KCNJ14: variants seen among roughly 807,000 people sequenced by gnomAD.
KCNJ14 encodes the protein potassium inwardly rectifying channel subfamily J member 14, also known as ATP-sensitive inward rectifier potassium channel 14.
Under a neutral mutation model 24.5 loss-of-function variants are expected in KCNJ14, and 18 were observed. The observed-to-expected ratio is 0.74, with a 90% CI of 0.51 to 1.09. The LOEUF (loss-of-function observed/expected upper bound fraction) is 1.09. Ranked by LOEUF, KCNJ14 falls within the 50% of genes least tolerant of loss-of-function variation. KCNJ14 has a pLI of 0.00. For missense variants in KCNJ14, 633 were observed against 623.0 expected, an observed-to-expected ratio of 1.02 and a Z score of -0.17; for synonymous variants, 288 against 270.8, an observed-to-expected ratio of 1.06 and a Z score of -0.63.
chr19:48,457,419 C>A (rs942519352), intron 1 of KCNJ14, among the ~76,000 whole-genome samples: 4 of 152,216 alleles, frequency 2.6e-5, no homozygotes, highest in African/African-American at 9.6e-5. Context: ...GGTGGGTGAG[C>A]AACTAAGCCA....
At chr19:48,456,509 T>G (rs1971540831) in intron 1 of KCNJ14, 1 of 152,226 alleles carries the variant, frequency 6.6e-6, no homozygotes, top group Admixed American at 6.5e-5. Context: ...CCAGGCTGCC[T>G]GCGTGGTTGT....
In KCNJ14 at chr19:48,461,823, C is replaced by CA; in HGVS notation, c.101dup (p.Asn34LysfsTer213). On this transcript the variant is annotated frameshift_variant, in exon 2 of 3. Coordinates refer to ENST00000342291, the MANE Select transcript of KCNJ14 (RefSeq NM_013348.4). LOFTEE classifies it high-confidence loss of function. ...AGGAGGCCGGGCCCGGGTTGTGCCG[C>CA]AACGGGTGGGCGCCGGCACCGGTGC... 6.6e-7 allele frequency: 1 copy of CA among 1,506,784 alleles called. No homozygotes were observed. The allele number at this position is 1,506,784 out of a possible 1,614,324, so 93.3% of individuals were successfully genotyped here.
intron 1 of KCNJ14, 144 bp from the exon 2 acceptor site, chr19:48,461,526 T>TC (rs1971595151): frequency 6.9e-6 from 2 of 288,422 alleles, no homozygotes; most frequent in African/African-American, 6.7e-5. Context: ...AGACTCTGTC[T>TC]CCAAAAAAAA....
intron 2 of KCNJ14, among the ~76,000 whole-genome samples, chr19:48,463,842 C>G (rs1387258240): frequency 6.6e-6 from 1 of 151,972 alleles, no homozygotes; most frequent in Non-Finnish European, 1.5e-5. Context: ...CTCTCCTCTT[C>G]CCCCACCACG....
In KCNJ14 at chr19:48,464,953, A is replaced by G. The variant is rs1479140899; in HGVS notation, c.*176A>G. ...TGGTGACCCACCATGGACATACTGG[A>G]CCTTAATTCCTCTGCTTCTGTGCTC... is the stretch of plus-strand genomic sequence containing the variant. On this transcript the variant is annotated 3_prime_UTR_variant, in exon 3 of 3. Transcript: ENST00000342291. The G allele has an allele frequency of 3.3e-6, 2 of 601,972 alleles. No individual in the cohort carries two copies. The highest frequency in any genetic ancestry group is 2.9e-5 in the Admixed American group (1 of 34,222). The allele number at this position is 601,972 out of a possible 1,614,324, so 37.3% of individuals were successfully genotyped here. A position where few individuals can be genotyped will look rare whatever the true frequency, so the allele number is the denominator to read the frequency against.
Position 48,466,694 on chromosome 19 carries a change from AT to A in KCNJ14, c.*1919del, listed in dbSNP as rs1251366729. On this transcript the variant is annotated 3_prime_UTR_variant, in exon 3 of 3. Coordinates refer to ENST00000342291, the MANE Select transcript of KCNJ14 (RefSeq NM_013348.4). ...TCACTACACCAAGGGTGGGATGGGC[AT>A]TCGAGTCCTGGGGATTTCCCTCCTC... The A allele has an allele frequency of 2.6e-5, 4 of 152,302 alleles. No individual in the cohort carries two copies. The highest frequency in any genetic ancestry group is 9.6e-5 in the African/African-American group (4 of 41,566). The allele number at this position is 152,302 out of a possible 1,614,324, so 9.4% of individuals were successfully genotyped here. A position where few individuals can be genotyped will look rare whatever the true frequency, so the allele number is the denominator to read the frequency against.
chr19:48,462,512 G>C lies in KCNJ14; in HGVS notation c.714+74G>C. On this transcript the variant is annotated intron_variant, in intron 2 of 2. Coordinates refer to ENST00000342291, the MANE Select transcript of KCNJ14 (RefSeq NM_013348.4). The surrounding 1 kb of genome is among the most constrained non-coding windows in gnomAD (Gnocchi z 4.9). ...TGGGAGATGTAGGCCCGAGGGCGAG[G>C]GGCGTGCGGTCCTGGAGGGGGCGTG... 1 of 1,185,818 alleles carries C rather than the reference G, an allele frequency of 8.4e-7. No homozygotes were observed. The highest frequency in any genetic ancestry group is 1.1e-6 in the Non-Finnish European group (1 of 872,204). 73.5% of individuals were successfully genotyped at this position (1,185,818 alleles called of 1,614,324 possible). A position where few individuals can be genotyped will look rare whatever the true frequency, so the allele number is the denominator to read the frequency against.
At chr19:48,463,766 T>G (rs959975597) in intron 2 of KCNJ14, among the ~76,000 whole-genome samples, 1 of 152,252 alleles carries the variant, frequency 6.6e-6, no homozygotes, top group Non-Finnish European at 1.5e-5. Context: ...TATTTTCCGT[T>G]GTCGCTTTGA....
In KCNJ14 at chr19:48,466,978, C is replaced by T. The variant is rs966341755; in HGVS notation, c.*2201C>T. ...CCCCCAGATTAAAGAACTGGGAGCC[C>T]TAGCGGATGTGTCTGCGAATGTGTT... On this transcript the variant is annotated 3_prime_UTR_variant, in exon 3 of 3. Coordinates refer to ENST00000342291, the MANE Select transcript of KCNJ14 (RefSeq NM_013348.4). 3 of 152,178 alleles carry T rather than the reference C, an allele frequency of 2.0e-5. No individual in the cohort carries two copies. The highest frequency in any genetic ancestry group is 7.2e-5 in the African/African-American group (3 of 41,408). The allele number at this position is 152,178 out of a possible 1,614,324, so 9.4% of individuals were successfully genotyped here. A position where few individuals can be genotyped will look rare whatever the true frequency, so the allele number is the denominator to read the frequency against.
rs554712689 is a variant in KCNJ14, at chr19:48,462,593, A to G, written c.714+155A>G. On this transcript the variant is annotated intron_variant, in intron 2 of 2. Coordinates refer to ENST00000342291, the MANE Select transcript of KCNJ14 (RefSeq NM_013348.4). The surrounding 1 kb of genome is among the most constrained non-coding windows in gnomAD (Gnocchi z 4.9). Reference sequence around the variant, plus strand: ...GGGGCCTGCGAATGGGTCACTGGGCAGCTGGGGATGTAAACCCAACAGAAA... The same window carrying G: ...GGGGCCTGCGAATGGGTCACTGGGCGGCTGGGGATGTAAACCCAACAGAAA... 1.3e-5 allele frequency among the ~76,000 whole-genome samples: 2 copies of G among 152,326 alleles called. No homozygotes were observed. Among genetic ancestry groups the G allele is most frequent in the African/African-American group, 2.4e-5 (1 of 41,570 alleles).
intron 2 of KCNJ14, among the ~76,000 whole-genome samples, chr19:48,463,622 G>A (rs1483196693): frequency 6.6e-6 from 1 of 152,172 alleles, no homozygotes; most frequent in Non-Finnish European, 1.5e-5. Flanking sequence ...CTGAGGCAGT[G>A]GTGGGTGCAG....
chr19:48,461,798 A>G lies in KCNJ14; in HGVS notation c.74A>G (p.Glu25Gly), dbSNP rs1313326157. The change falls in exon 2 of 3, where the codon GAG (glutamate) becomes GGG (glycine). Residue 25 changes from glutamate (E) to glycine (G), a missense_variant. Transcript: ENST00000342291. ...GGAGACAGCCGGGCGGGCGATGAAG[A>G]GGAGGCCGGGCCCGGGTTGTGCCGC... Reference protein sequence around the residue: ...DSGDSRAGDEEEAGPGLCRNG... With the variant: ...DSGDSRAGDEGEAGPGLCRNG... 64 of 1,471,396 alleles carry G rather than the reference A, an allele frequency of 4.3e-5. No individual in the cohort carries two copies. Among genetic ancestry groups the G allele is most frequent in the Non-Finnish European group, 5.7e-5 (63 of 1,114,158 alleles). The allele number at this position is 1,471,396 out of a possible 1,614,324, so 91.1% of individuals were successfully genotyped here.
rs932529992 is a variant in KCNJ14 at position 48,464,125 on chromosome 19, G to A, written c.715-56G>A. ...TGCATCTCTTCCTCTCTCTCACTTCGTCTCTGCCCGTCTCTGTGCTCCCTG... is the reference window on the plus strand; with the variant it reads ...TGCATCTCTTCCTCTCTCTCACTTCATCTCTGCCCGTCTCTGTGCTCCCTG... On this transcript the variant is annotated intron_variant, in intron 2 of 2. Coordinates refer to ENST00000342291, the MANE Select transcript of KCNJ14 (RefSeq NM_013348.4). 4.2e-5 allele frequency: 50 copies of A among 1,194,848 alleles called. 1 individual carries two copies. The highest frequency in any genetic ancestry group is 3.2e-4 in the South Asian group (26 of 81,016). 74.0% of individuals were successfully genotyped at this position (1,194,848 alleles called of 1,614,324 possible).
In KCNJ14 at chr19:48,461,749, C is replaced by T. The variant is rs1206724309; in HGVS notation, c.25C>T (p.Arg9Cys). The T allele has an allele frequency of 6.9e-7, 1 of 1,439,926 alleles. No individual in the cohort carries two copies. The highest frequency in any genetic ancestry group is 9.1e-7 in the Non-Finnish European group (1 of 1,100,276). The allele number at this position is 1,439,926 out of a possible 1,614,324, so 89.2% of individuals were successfully genotyped here. A position where few individuals can be genotyped will look rare whatever the true frequency, so the allele number is the denominator to read the frequency against. Reference protein sequence around the residue: MGLARALRRLSGALDSGDS... With the variant: MGLARALRCLSGALDSGDS... ...AATGGGCCTGGCCAGGGCCCTACGCCGCCTCAGCGGCGCCCTGGATTCGGG... is the reference window on the plus strand; with the variant it reads ...AATGGGCCTGGCCAGGGCCCTACGCTGCCTCAGCGGCGCCCTGGATTCGGG... Residue 9 changes from arginine (R) to cysteine (C), a missense_variant, in exon 2 of 3, where the codon CGC (arginine) becomes TGC (cysteine). By Grantham distance (180) the Arg-to-Cys change is radical. Coordinates refer to ENST00000342291, the MANE Select transcript of KCNJ14 (RefSeq NM_013348.4).
chr19:48,464,320 A>G lies in KCNJ14; in HGVS notation c.854A>G (p.Tyr285Cys). 1 of 1,613,740 alleles carries G rather than the reference A, an allele frequency of 6.2e-7. No individual in the cohort carries two copies. Among genetic ancestry groups the G allele is most frequent in the Non-Finnish European group, 8.5e-7 (1 of 1,179,874 alleles). Residue 285 changes from tyrosine to cysteine, a missense_variant, in exon 3 of 3, where the codon TAT becomes TGT. Transcript: ENST00000342291. ...GAGATCGACTCTGCCAGTCCTCTGT[A>G]TGAGCTAGGACGTGCCGAGCTGGCC... Reference protein sequence around the residue: ...VHEIDSASPLYELGRAELARA... With the variant: ...VHEIDSASPLCELGRAELARA...
In KCNJ14 at chr19:48,464,420, G is replaced by C. The variant is rs375930558; in HGVS notation, c.954G>C (p.Ser318=). The C allele has an allele frequency of 1.2e-5, 19 of 1,613,436 alleles. No homozygotes were observed. The highest frequency in any genetic ancestry group is 2.7e-5 in the African/African-American group (2 of 74,878). The change falls in exon 3 of 3, where the codon TCG becomes TCC. Residue 318 remains serine, a synonymous_variant. Transcript: ENST00000342291. ...CAGCCATGACCACACAGTGTCGCTC[G>C]TCCTACCTCCCTGGTGAACTGCTCT... ...EATAMTTQCR[S]SYLPGELLWG... is the part of the protein sequence containing the mutation.
intron 1 of KCNJ14, among the ~76,000 whole-genome samples, chr19:48,460,224 T>G (rs183138652): frequency 6.6e-6 from 1 of 151,984 alleles, no homozygotes; most frequent in East Asian, 1.9e-4. Flanking sequence ...TTTACTTACC[T>G]GTGGTCTTGG....
At chr19:48,458,858 C>CCA (rs1258851880) in intron 1 of KCNJ14, among the ~76,000 whole-genome samples, 3 of 150,902 alleles carry the variant, frequency 2.0e-5, no homozygotes, top group Non-Finnish European at 4.4e-5. Flanking sequence ...ATCTCTTGTA[C>CCA]CCAGGAGGTG....
rs1971598108 is a variant in KCNJ14 at position 48,461,614 on chromosome 19, C to A, written c.-55-56C>A. The A allele has an allele frequency of 5.4e-6, 3 of 559,488 alleles. No individual in the cohort carries two copies. The African/African-American group carries it at 6.0e-5, about 11-fold the overall frequency. The allele number at this position is 559,488 out of a possible 1,614,324, so 34.7% of individuals were successfully genotyped here. On this transcript the variant is annotated intron_variant, in intron 1 of 2. Transcript: ENST00000342291. ...AGCCCCACCAGAAAGCATGCTTGGCCGATGAGCTCATCCATTCCTGTTGCC... is the reference window on the plus strand; with the variant it reads ...AGCCCCACCAGAAAGCATGCTTGGCAGATGAGCTCATCCATTCCTGTTGCC...
Sources: gnomAD v4.1 joint callset for allele counts (sites outside exome capture counted in the v4.1 genomes callset) on GRCh38, gnomAD v4.1.1 for gene constraint, Gnocchi (gnomAD v3.1) non-coding constraint, MANE v1.5 for transcripts, NCBI Gene and HGNC (gene_info 2026-07-23, HGNC 2026-07-21) for gene names.